The following FGF12 variants were observed in gnomAD, a reference collection of about 807,000 sequenced individuals.
The protein encoded by FGF12 is fibroblast growth factor 12.
FGF12 carries 14 observed loss-of-function variants against 23.6 expected under a neutral mutation model. The observed-to-expected ratio is 0.59, with a 90% CI of 0.39 to 0.93. The LOEUF is 0.93. Among genes scored for constraint, FGF12 ranks in the 40% least tolerant of loss-of-function variants. The pLI is 0.00. For synonymous variants in FGF12, 62 were observed against 77.3 expected (o/e 0.80, Z 1.04); for missense variants, 175 against 217.8 (o/e 0.80, Z 1.24).
intron 5 of FGF12, among the ~76,000 whole-genome samples, chr3:192,156,777 G>A (rs1457696569): frequency 1.3e-5 from 2 of 152,138 alleles, no homozygotes; most frequent in East Asian, 1.9e-4. Flanking sequence ...CATCATAATA[G>A]TTTTGGACAA....
intron 2 of FGF12, among the ~76,000 whole-genome samples, chr3:192,600,869 C>T (rs186509783): frequency 4.6e-5 from 7 of 150,868 alleles, no homozygotes; most frequent in East Asian, 1.9e-4. Context: ...CTCATAACAC[C>T]GCTATGGAAA....
chr3:192,528,173 C>T (rs1724997556), intron 2 of FGF12, among the ~76,000 whole-genome samples: 1 of 152,168 alleles, frequency 6.6e-6, no homozygotes, highest in Non-Finnish European at 1.5e-5. Flanking sequence ...TCATCTGAGA[C>T]AAGTCCCTTT....
intron 5 of FGF12, among the ~76,000 whole-genome samples, chr3:192,161,572 T>C (rs1396937233): frequency 2.0e-5 from 3 of 151,792 alleles, no homozygotes; most frequent in Non-Finnish European, 2.9e-5. Context: ...GCATGACATC[T>C]GAAGTTACCA....
At chr3:192,156,347 T>C (rs1181161930) in intron 5 of FGF12, among the ~76,000 whole-genome samples, 1 of 152,248 alleles carries the variant, frequency 6.6e-6, no homozygotes, top group Non-Finnish European at 1.5e-5. Context: ...TGTTACTAGT[T>C]AACTATGTCT....
intron 4 of FGF12, among the ~76,000 whole-genome samples, chr3:192,211,455 C>T (rs1717923172): frequency 6.6e-6 from 1 of 152,104 alleles, no homozygotes; most frequent in East Asian, 1.9e-4. Flanking sequence ...GACGGACCCT[C>T]GCTCTTGTGG....
chr3:192,307,781 T>A (rs1189430790), intron 4 of FGF12, among the ~76,000 whole-genome samples: 1 of 152,192 alleles, frequency 6.6e-6, no homozygotes, highest in East Asian at 1.9e-4. Context: ...TGGGGAATGC[T>A]TTTTCTGAAA....
At chr3:192,640,787 C>T (rs966821516) in intron 2 of FGF12, among the ~76,000 whole-genome samples, 5 of 133,414 alleles carry the variant, frequency 3.7e-5, no homozygotes, top group Non-Finnish European at 3.2e-5. Context: ...AGAGTTAAAA[C>T]CCCTTTTTTT....
chr3:192,319,589 T>C (rs1408997522), intron 4 of FGF12, among the ~76,000 whole-genome samples: 1 of 151,762 alleles, frequency 6.6e-6, no homozygotes, highest in Admixed American at 6.6e-5. Context: ...AGAGTAAGAC[T>C]GTCTCAAATA....
At chr3:192,442,011 G>A (rs189814936) in intron 2 of FGF12, among the ~76,000 whole-genome samples, 274 of 152,222 alleles carry the variant, frequency 1.8e-3, no homozygotes, top group Admixed American at 3.1e-3. Context: ...CATTTTAGAA[G>A]CCTAATTTTG....
intron 2 of FGF12, among the ~76,000 whole-genome samples, chr3:192,467,473 CTG>C (rs141638901): frequency 0.011 from 1,629 of 152,318 alleles, 23 homozygotes; most frequent in African/African-American, 0.037. Context: ...TTTAGCCAGA[CTG>C]TGCGCCGAAC....
intron 4 of FGF12, among the ~76,000 whole-genome samples, chr3:192,184,288 A>G (rs1363628270): frequency 1.3e-5 from 2 of 152,146 alleles, no homozygotes; most frequent in Admixed American, 6.5e-5. Flanking sequence ...ATGACTGACC[A>G]ATGTGCTTCG....
At chr3:192,368,173 C>T (rs959050346) in intron 2 of FGF12, among the ~76,000 whole-genome samples, 1 of 151,986 alleles carries the variant, frequency 6.6e-6, no homozygotes, top group African/African-American at 2.4e-5. Context: ...TTCCACAGTG[C>T]AACTACTTCA....
At chr3:192,215,940 C>T (rs149524497) in intron 4 of FGF12, among the ~76,000 whole-genome samples, 1 of 152,146 alleles carries the variant, frequency 6.6e-6, no homozygotes, top group Non-Finnish European at 1.5e-5. Flanking sequence ...CCTCTCTATG[C>T]ATCCCACTAT....
At position 192,279,230 on chromosome 3, in the gene FGF12, G is replaced by GTATATATATATATATATATA. The variant is rs59504943; in HGVS notation, c.228+56111_228+56130dup. Among the ~76,000 whole-genome samples, 400 of 131,876 alleles carry GTATATATATATATATATATA rather than the reference G, an allele frequency of 3.0e-3. 9 individuals carry two copies. The highest frequency in any genetic ancestry group is 0.01 in the African/African-American group (326 of 32,414). 86.5% of individuals were successfully genotyped at this position (131,876 alleles called of 152,430 possible). Reference sequence around the variant, plus strand: ...TAAGTCATGCTTGGTTAATGTATGAGTATATATATATATATATATATATAA... The same window carrying GTATATATATATATATATATA: ...TAAGTCATGCTTGGTTAATGTATGAGTATATATATATATATATATATATATATATATATATATATATATAA... On this transcript the variant is annotated intron_variant, in intron 4 of 5. Coordinates refer to ENST00000445105, the MANE Select transcript of FGF12 (RefSeq NM_004113.6).
chr3:192,461,883 G>A (rs539996070), intron 2 of FGF12, among the ~76,000 whole-genome samples: 129 of 151,996 alleles, frequency 8.5e-4, no homozygotes, highest in East Asian at 5.2e-3. Context: ...CCAGCTACTC[G>A]GGAGGCTGAG....
chr3:192,158,372 T>TTCTTTCTTTCTTTCTTC (rs1560171472), intron 5 of FGF12, among the ~76,000 whole-genome samples: 2 of 121,528 alleles, frequency 1.6e-5, no homozygotes, highest in Non-Finnish European at 3.5e-5. Flanking sequence ...CTTTCTTTCT[T>TTCTTTCTTTCTTTCTTC]TCTTTCTTTC....
intron 2 of FGF12, among the ~76,000 whole-genome samples, chr3:192,685,926 A>T (rs1717715744): frequency 6.6e-6 from 1 of 152,188 alleles, no homozygotes; most frequent in South Asian, 2.1e-4. Context: ...AATATACTGT[A>T]AGTGGCAGAG....
At chr3:192,468,808 A>T (rs1723081467) in intron 2 of FGF12, among the ~76,000 whole-genome samples, 1 of 152,192 alleles carries the variant, frequency 6.6e-6, no homozygotes, top group Non-Finnish European at 1.5e-5. Flanking sequence ...CATCAGGCAC[A>T]TTATCTGCAT....
At chr3:192,456,341 A>T (rs1181458636) in intron 2 of FGF12, among the ~76,000 whole-genome samples, 1 of 152,250 alleles carries the variant, frequency 6.6e-6, no homozygotes, top group East Asian at 1.9e-4. Flanking sequence ...GGCAGAGGTC[A>T]TCTGAGACTT....
Sources: gnomAD v4.1 joint callset for allele counts (sites outside exome capture counted in the v4.1 genomes callset) on GRCh38, gnomAD v4.1.1 for gene constraint, MANE v1.5 for transcripts, NCBI Gene and HGNC (gene_info 2026-07-23, HGNC 2026-07-21) for gene names.